The following DMD variants were observed in gnomAD, a reference collection of about 807,000 sequenced individuals.
DMD encodes dystrophin.
DMD carries 63 observed loss-of-function variants against 330.1 expected under a neutral mutation model. The ratio of observed to expected loss-of-function variants is 0.19; its 90% CI spans 0.16 to 0.24. DMD has a LOEUF of 0.24. Among genes scored for constraint, DMD ranks in the 10% least tolerant of loss-of-function variants. DMD has a pLI of 1.00. For missense variants in DMD, 3,344 were observed against 2,684.1 expected (o/e 1.25, Z -5.43); for synonymous variants, 1,223 against 959.8 (o/e 1.27, Z -5.07).
intron 7 of DMD, among the ~76,000 whole-genome samples, chrX:32,719,755 G>C (rs1473333846): frequency 9.1e-6 from 1 of 110,062 alleles, no homozygotes; most frequent in Non-Finnish European, 1.9e-5. Context: ...CTGAATAAAT[G>C]TACATTTACT....
chrX:32,560,167 A>G (rs2050819885), intron 16 of DMD, among the ~76,000 whole-genome samples: 2 of 100,699 alleles, frequency 2.0e-5, no homozygotes, highest in Non-Finnish European at 4.2e-5. Flanking sequence ...ACAAAACTAC[A>G]AAACCTTTAG....
chrX:31,883,966 A>G (rs2094115050), intron 47 of DMD, among the ~76,000 whole-genome samples: 1 of 111,434 alleles, frequency 9.0e-6, no homozygotes, highest in African/African-American at 3.3e-5. Context: ...TATACCTGTT[A>G]GAATGACTAT....
At chrX:31,134,230 A>G in intron 76 of DMD, 36 bp from the exon 77 acceptor site, 1 of 1,102,966 alleles carries the variant, frequency 9.1e-7, no homozygotes, top group Non-Finnish European at 1.2e-6. Flanking sequence ...GGAAAATTAC[A>G]TTTATAGAAA....
chrX:32,903,314 A>G (rs1331162281), intron 2 of DMD, among the ~76,000 whole-genome samples: 19 of 107,450 alleles, frequency 1.8e-4, no homozygotes, highest in African/African-American at 6.9e-4. Flanking sequence ...AGACTTTTGA[A>G]TAATTGCAAT....
chrX:31,949,196 T>C (rs953376963), intron 45 of DMD, among the ~76,000 whole-genome samples: 4 of 111,532 alleles, frequency 3.6e-5, no homozygotes, highest in African/African-American at 6.5e-5. Flanking sequence ...TGCCAACATC[T>C]GCTAAGATGT....
chrX:32,646,804 A>C (rs773392032), intron 9 of DMD, among the ~76,000 whole-genome samples: 1 of 111,854 alleles, frequency 8.9e-6, no homozygotes, highest in African/African-American at 3.3e-5. Context: ...TCATCAAATG[A>C]TGCACTCTTT....
chrX:32,292,419 C>T (rs1440315043), intron 42 of DMD, among the ~76,000 whole-genome samples: 1 of 103,209 alleles, frequency 9.7e-6, no homozygotes, highest in Non-Finnish European at 1.9e-5. Flanking sequence ...ATTCTCTTGC[C>T]TCAGCCTCCT....
chrX:33,210,058 T>TA (rs1185416447), intron 1 of DMD, among the ~76,000 whole-genome samples: 126 of 110,522 alleles, frequency 1.1e-3, no homozygotes, highest in African/African-American at 3.9e-3. Flanking sequence ...ATAGTAAATA[T>TA]AATAGTTTTT....
In DMD at chrX:32,342,153, G is replaced by T. The variant is rs755477994; in HGVS notation, c.5869C>A (p.Arg1957=). 2.5e-6 allele frequency: 3 copies of T among 1,209,308 alleles called. No homozygotes were observed. The highest frequency in any genetic ancestry group is 3.4e-6 in the Non-Finnish European group (3 of 893,912). The change falls in exon 41 of 79, where the codon CGG becomes AGG. Residue 1957 remains arginine, a synonymous_variant. Transcript: ENST00000357033. ...TGAGCAAATTTGCTCTCAATTTCCCGCCAGCGCTTGCTGAGCTGGATCTGA... is the reference window on the plus strand; with the variant it reads ...TGAGCAAATTTGCTCTCAATTTCCCTCCAGCGCTTGCTGAGCTGGATCTGA... ...PTQIQLSKRW[R]EIESKFAQFR...
Position 32,686,556 on chromosome X carries a change from T to C in DMD, c.960+11314A>G, listed in dbSNP as rs1241495061. On this transcript the variant is annotated intron_variant, in intron 9 of 78. Coordinates refer to ENST00000357033, the MANE Select transcript of DMD (RefSeq NM_004006.3). Reference sequence around the variant, plus strand: ...CCGGGGCAACAGAGCAAAAACTCCATCTCAAAAAAAAAAAAAAAAAAAAAA... The same window carrying C: ...CCGGGGCAACAGAGCAAAAACTCCACCTCAAAAAAAAAAAAAAAAAAAAAA... Among the ~76,000 whole-genome samples the C allele has an allele frequency of 1.4e-3, 40 of 27,741 alleles. No homozygotes were observed. The East Asian group carries it at 0.031, about 22-fold the overall frequency. 24.1% of individuals were successfully genotyped at this position (27,741 alleles called of 115,157 possible). A position where few individuals can be genotyped will look rare whatever the true frequency, so the allele number is the denominator to read the frequency against.
In DMD at chrX:31,540,128, C is replaced by T. The variant is rs931788141; in HGVS notation, c.8218-32675G>A. 1.2e-4 allele frequency among the ~76,000 whole-genome samples: 13 copies of T among 112,175 alleles called. No individual in the cohort carries two copies. In the East Asian group the frequency reaches 1.4e-3, roughly 12 times the overall value. ...ACTTAGGAATTTAATATTCACAAAT[C>T]GATATTCTAAAATAAGTAAAAACAA... On this transcript the variant is annotated intron_variant, in intron 55 of 78. Coordinates refer to ENST00000357033, the MANE Select transcript of DMD (RefSeq NM_004006.3).
intron 1 of DMD, among the ~76,000 whole-genome samples, chrX:33,026,664 C>T (rs749482991): frequency 2.7e-5 from 3 of 111,154 alleles, no homozygotes; most frequent in South Asian, 3.8e-4. Flanking sequence ...ATTTTTCTAC[C>T]GCCTGAGGTG....
intron 55 of DMD, among the ~76,000 whole-genome samples, chrX:31,592,630 G>A (rs2076932033): frequency 9.1e-6 from 1 of 109,478 alleles, no homozygotes; most frequent in African/African-American, 3.3e-5. Context: ...TTTGCTGAAA[G>A]GATTACCCAA....
At chrX:31,300,419 C>T (rs1045625944) in intron 62 of DMD, among the ~76,000 whole-genome samples, 6 of 112,000 alleles carry the variant, frequency 5.4e-5, no homozygotes, top group Non-Finnish European at 7.5e-5. Flanking sequence ...ATTATAGGGT[C>T]TGTAGAACTA....
Position 31,302,658 on chromosome X carries a change from TA to T in DMD, c.9224+20939del, listed in dbSNP as rs1157275152. 1.8e-3 allele frequency among the ~76,000 whole-genome samples: 188 copies of T among 103,539 alleles called. 1 individual carries two copies. Among genetic ancestry groups the T allele is most frequent in the Non-Finnish European group, 3.0e-3 (151 of 50,059 alleles). The allele number at this position is 103,539 out of a possible 115,157, so 89.9% of individuals were successfully genotyped here. ...ACAAACTGAAAAGCAGGGGGAAAAGTAAAAAAAAAAATGCAATTGCAATACA... is the reference window on the plus strand; with the variant it reads ...ACAAACTGAAAAGCAGGGGGAAAAGTAAAAAAAAAATGCAATTGCAATACA... On this transcript the variant is annotated intron_variant, in intron 62 of 78. Coordinates refer to ENST00000357033, the MANE Select transcript of DMD (RefSeq NM_004006.3).
intron 44 of DMD, among the ~76,000 whole-genome samples, chrX:32,058,566 TAAA>T (rs34845512): frequency 2.8e-5 from 2 of 72,279 alleles, no homozygotes; most frequent in African/African-American, 5.0e-5. Context: ...TAACCATTAT[TAAA>T]AAAAAAAAAA....
At chrX:32,852,545 G>GT (rs2081222133) in intron 2 of DMD, among the ~76,000 whole-genome samples, 1 of 111,089 alleles carries the variant, frequency 9.0e-6, no homozygotes, top group African/African-American at 3.3e-5. Flanking sequence ...TGCAGCTTGG[G>GT]TACTAGCTCA....
chrX:32,409,588 A>G (rs1328524789), intron 30 of DMD, among the ~76,000 whole-genome samples: 1 of 111,682 alleles, frequency 9.0e-6, no homozygotes, highest in African/African-American at 3.2e-5. Context: ...TTGAAAGACA[A>G]TAGTATAATA....
chrX:31,959,245 C>T (rs1369774401), intron 45 of DMD, among the ~76,000 whole-genome samples: 2 of 111,490 alleles, frequency 1.8e-5, no homozygotes, highest in Admixed American at 9.5e-5. Flanking sequence ...ATAAAAACGT[C>T]CCAACATCCT....
Sources: allele counts gnomAD v4.1 joint callset (sites outside exome capture counted in the v4.1 genomes callset), GRCh38; gene constraint gnomAD v4.1.1; transcripts MANE v1.5; gene names NCBI Gene and HGNC (gene_info 2026-07-23, HGNC 2026-07-21).